Variants in ARHGEF4 observed in about 807,000 individuals in gnomAD.
The protein encoded by ARHGEF4 is APC-stimulated guanine nucleotide exchange factor 1.
ARHGEF4 carries 119 observed loss-of-function variants against 162.0 expected under a neutral mutation model. That is an observed-to-expected ratio of 0.73 (90% CI 0.63 to 0.86). ARHGEF4 has a LOEUF of 0.86. ARHGEF4 is among the 40% of genes least tolerant of loss of function. The probability of loss-of-function intolerance (pLI) is 0.00; values close to 1 mark genes in which losing one functional copy is unlikely to be tolerated. For synonymous variants in ARHGEF4, 1,014 were observed against 979.9 expected (o/e 1.03, Z -0.65); for missense variants, 2,488 against 2,456.0 (o/e 1.01, Z -0.28).
chr2:130,882,800 C>T (rs1679281395), intron 1 of ARHGEF4, among the ~76,000 whole-genome samples: 1 of 151,842 alleles, frequency 6.6e-6, no homozygotes, highest in Non-Finnish European at 1.5e-5. Context: ...GGCAGGAGGG[C>T]CAGGGTGGGG....
At chr2:130,906,525 C>A (rs1250355962) in intron 1 of ARHGEF4, among the ~76,000 whole-genome samples, 1 of 152,180 alleles carries the variant, frequency 6.6e-6, no homozygotes, top group East Asian at 1.9e-4. Context: ...TAGCCTTAAG[C>A]TTTTGTTTGT....
intron 1 of ARHGEF4, among the ~76,000 whole-genome samples, chr2:130,883,139 G>A (rs1026893): frequency 0.11 from 17,317 of 152,030 alleles, 1,133 homozygotes; most frequent in South Asian, 0.17. Context: ...CAGAACCTCT[G>A]TGCCCTCTCT....
At chr2:130,872,059 C>T (rs11899956) in intron 1 of ARHGEF4, among the ~76,000 whole-genome samples, 6,449 of 152,326 alleles carry the variant, frequency 0.042, 460 homozygotes, top group African/African-American at 0.14. Flanking sequence ...CACCGCAGCG[C>T]GGTTCAGGTC....
At chr2:130,907,316 G>A (rs570140360) in intron 1 of ARHGEF4, among the ~76,000 whole-genome samples, 3 of 138,054 alleles carry the variant, frequency 2.2e-5, no homozygotes, top group African/African-American at 5.4e-5. Flanking sequence ...CTGGGTTCAC[G>A]CCATTCTCCT....
chr2:130,981,001 AT>A (rs1469371893), intron 4 of ARHGEF4, among the ~76,000 whole-genome samples: 1 of 152,198 alleles, frequency 6.6e-6, no homozygotes, highest in South Asian at 2.1e-4. Context: ...CCATTGAAAC[AT>A]TTCTGTTCTC....
chr2:131,035,341 C>CTG (rs1270776472), intron 5 of ARHGEF4: 1 of 1,133,224 alleles, frequency 8.8e-7, no homozygotes, highest in African/African-American at 1.6e-5. Flanking sequence ...GGCCTCCGCA[C>CTG]TGGTCGCGGA....
At chr2:130,934,366 A>G (rs1467134352) in intron 3 of ARHGEF4, among the ~76,000 whole-genome samples, 2 of 152,178 alleles carry the variant, frequency 1.3e-5, no homozygotes, top group Admixed American at 6.5e-5. Context: ...GCATTTGAGA[A>G]AGATTCTTCT....
At chr2:130,951,777 T>A (rs756505157) in intron 4 of ARHGEF4, among the ~76,000 whole-genome samples, 12 of 152,218 alleles carry the variant, frequency 7.9e-5, no homozygotes, top group Non-Finnish European at 1.2e-4. Flanking sequence ...TATACTAGCT[T>A]AATTCCAGTA....
chr2:131,039,043 A>G lies in ARHGEF4; in HGVS notation c.4305+11A>G. On this transcript the variant is annotated intron_variant, in intron 6 of 13. Coordinates refer to ENST00000409359, the MANE Select transcript of ARHGEF4 (RefSeq NM_001367493.1). ...GCCAGCTTCGTTCGGGTATGGTTCCAAGCCCCAGCTTCTCCCAAGTTGGGC... is the reference window on the plus strand; with the variant it reads ...GCCAGCTTCGTTCGGGTATGGTTCCGAGCCCCAGCTTCTCCCAAGTTGGGC... 6.3e-7 allele frequency: 1 copy of G among 1,599,818 alleles called. No homozygotes were observed. The highest frequency in any genetic ancestry group is 8.5e-7 in the Non-Finnish European group (1 of 1,172,478).
rs574953224 is a variant in ARHGEF4, at chr2:130,932,257, C to T, written c.3858+1000C>T. On this transcript the variant is annotated intron_variant, in intron 3 of 13. Transcript: ENST00000409359. ...TTCTTTGTATGGCTAAGTAACATTT[C>T]GTTATGTGATTATACAGTACTTGTC... is the stretch of plus-strand genomic sequence containing the variant. 6.6e-5 allele frequency among the ~76,000 whole-genome samples: 10 copies of T among 152,274 alleles called. No individual in the cohort carries two copies. In the East Asian group the frequency reaches 1.4e-3, roughly 21 times the overall value.
intron 1 of ARHGEF4, among the ~76,000 whole-genome samples, chr2:130,903,304 G>A (rs866607120): frequency 6.6e-6 from 1 of 150,750 alleles, no homozygotes; most frequent in Admixed American, 6.6e-5. Flanking sequence ...CTGTCACCAG[G>A]CTAGAGTGCA....
At chr2:130,946,448 G>A in intron 3 of ARHGEF4, 61 bp from the exon 4 acceptor site, 4 of 1,552,130 alleles carry the variant, frequency 2.6e-6, no homozygotes, top group Non-Finnish European at 3.5e-6. Flanking sequence ...CTGCAGGGTG[G>A]CAATGACAGC....
At chr2:131,044,563 T>C in intron 12 of ARHGEF4, 21 bp downstream of exon 12, 1 of 1,542,074 alleles carries the variant, frequency 6.5e-7, no homozygotes. Context: ...CTGCTGGGCC[T>C]TGCCCCGCCC....
chr2:130,916,483 C>G lies in ARHGEF4; in HGVS notation c.2537C>G (p.Pro846Arg). The G allele has an allele frequency of 1.3e-6, 2 of 1,546,232 alleles. No individual in the cohort carries two copies. The highest frequency in any genetic ancestry group is 2.4e-5 in the East Asian group (1 of 40,872). The change falls in exon 2 of 14, where the codon CCG (proline) becomes CGG (arginine). Residue 846 changes from proline (P) to arginine (R), a missense_variant. Pro to Arg is a moderately radical substitution (Grantham distance 103). Around this residue, in one of 6 missense-constraint regions of ARHGEF4, gnomAD observed 1,642 missense variants for 1,481.5 expected, o/e 1.11. Transcript: ENST00000409359. ...NPPAAAGRDA[P>R]PLHHGDASAW... is the part of the protein sequence containing the mutation. ...CCCGCTGCGGCCGGTCGGGACGCAC[C>G]GCCTCTGCACCACGGGGACGCCAGC...
chr2:130,914,218 C>A lies in ARHGEF4; in HGVS notation c.272C>A (p.Pro91His), dbSNP rs748230306. Reference protein sequence around the residue: ...SGYLPRGVFHPLRGTPVDIEA... With the variant: ...SGYLPRGVFHHLRGTPVDIEA... ...TACCTCCCGAGGGGAGTCTTCCACCCTCTAAGAGGTACTCCCGTAGATATA... is the reference window on the plus strand; with the variant it reads ...TACCTCCCGAGGGGAGTCTTCCACCATCTAAGAGGTACTCCCGTAGATATA... The change falls in exon 2 of 14, where the codon CCT becomes CAT. Residue 91 changes from proline to histidine, a missense_variant. By Grantham distance (77) the Pro-to-His change is moderately conservative. Coordinates refer to ENST00000409359, the MANE Select transcript of ARHGEF4 (RefSeq NM_001367493.1). 1 of 1,536,122 alleles carries A rather than the reference C, an allele frequency of 6.5e-7. No homozygotes were observed. The highest frequency in any genetic ancestry group is 1.7e-4 in the Middle Eastern group (1 of 5,980).
chr2:130,928,491 G>A (rs1470588372), intron 2 of ARHGEF4, among the ~76,000 whole-genome samples: 2 of 152,180 alleles, frequency 1.3e-5, no homozygotes, highest in Non-Finnish European at 2.9e-5. Flanking sequence ...CAAGTCTCTC[G>A]TGTTTGATCT....
chr2:130,867,935 TC>T (rs1682408287), intron 1 of ARHGEF4, among the ~76,000 whole-genome samples: 2 of 146,532 alleles, frequency 1.4e-5, no homozygotes, highest in African/African-American at 2.6e-5. Flanking sequence ...TTTTTTTTTT[TC>T]TTTTTTTTTT....
At chr2:130,924,300 CG>C (rs1682089287) in intron 2 of ARHGEF4, among the ~76,000 whole-genome samples, 1 of 145,182 alleles carries the variant, frequency 6.9e-6, no homozygotes, top group Non-Finnish European at 1.5e-5. Context: ...TTTTTGAGAC[CG>C]AGTCTCACAC....
intron 5 of ARHGEF4, among the ~76,000 whole-genome samples, chr2:131,036,532 C>T (rs757497074): frequency 6.6e-6 from 1 of 152,218 alleles, no homozygotes; most frequent in Non-Finnish European, 1.5e-5. Flanking sequence ...CTGTGAAGCC[C>T]TCCTCTTGCC....
Sources: gnomAD v4.1 joint callset for allele counts (sites outside exome capture counted in the v4.1 genomes callset) on GRCh38, gnomAD v4.1.1 for gene constraint, gnomAD v4.1.1 regional missense constraint, MANE v1.5 for transcripts, NCBI Gene and HGNC (gene_info 2026-07-23, HGNC 2026-07-21) for gene names.